The following VRK2 variants were observed in gnomAD, a reference collection of about 807,000 sequenced individuals.
VRK2 encodes the protein serine/threonine-protein kinase VRK2.
A neutral mutation model predicts 57.6 loss-of-function variants in VRK2; 60 were observed. The observed-to-expected ratio is 1.04, with a 90% CI of 0.85 to 1.29. The LOEUF is 1.29. Ranked by LOEUF, VRK2 falls within the 50% of genes most tolerant of loss-of-function variation. VRK2 has a pLI of 0.00. For synonymous variants in VRK2, 231 were observed against 199.2 expected (o/e 1.16, Z -1.35); for missense variants, 705 against 588.1 (o/e 1.20, Z -2.06).
At chr2:57,916,581 A>C (rs1670160923) in intron 1 of VRK2, among the ~76,000 whole-genome samples, 1 of 151,968 alleles carries the variant, frequency 6.6e-6, no homozygotes, top group South Asian at 2.1e-4. Flanking sequence ...AATTTTTTTC[A>C]TGTATGATAT....
Position 57,988,927 on chromosome 2 carries a change from A to T in VRK2, c.-438-36738A>T, listed in dbSNP as rs968152739. ...AATACAAACCCCATATTTATGCAAA[A>T]CACAGATTGGGGTTGCACATTCTAG... On this transcript the variant is annotated intron_variant, in intron 1 of 15. Coordinates refer to the VRK2 transcript ENST00000417641. Among the ~76,000 whole-genome samples, 19 of 152,294 alleles carry T rather than the reference A, an allele frequency of 1.2e-4. No individual in the cohort carries two copies. In the East Asian group the frequency reaches 3.7e-3, roughly 29 times the overall value.
At chr2:58,130,151 A>G (rs190398596) in intron 8 of VRK2, among the ~76,000 whole-genome samples, 273 of 152,240 alleles carry the variant, frequency 1.8e-3, no homozygotes, top group African/African-American at 6.3e-3. Context: ...GGTTCAATCT[A>G]TTTTAATTCT....
At position 58,157,117 on chromosome 2, in the gene VRK2, C is replaced by G. The variant is rs1413737815; in HGVS notation, c.1183-2232C>G. 3.3e-5 allele frequency among the ~76,000 whole-genome samples: 5 copies of G among 152,216 alleles called. No homozygotes were observed. The East Asian group carries it at 5.8e-4, about 18-fold the overall frequency. On this transcript the variant is annotated intron_variant, in intron 12 of 12. Transcript: ENST00000340157. ...CTTAGGTCTGTGTTATTTTCCCTTC[C>G]TGAGCTTTGTTTTAGATCCCTAAGT...
At chr2:58,066,155 C>T (rs988433189) in intron 2 of VRK2, among the ~76,000 whole-genome samples, 1 of 152,084 alleles carries the variant, frequency 6.6e-6, no homozygotes, top group African/African-American at 2.4e-5. Flanking sequence ...ATAGAAATAG[C>T]GAGAGTGCTC....
Position 58,086,444 on chromosome 2 carries a change from T to A in VRK2, c.344+18T>A. 4.5e-6 allele frequency: 7 copies of A among 1,554,934 alleles called. No individual in the cohort carries two copies. The highest frequency in any genetic ancestry group is 6.1e-6 in the Non-Finnish European group (7 of 1,151,686). ...GGAAGAAGGTAAAATGGAATTATTA[T>A]AATCAAATATTTCTTTATAACTATT... On this transcript the variant is annotated intron_variant, in intron 5 of 12. Coordinates refer to ENST00000340157, the MANE Select transcript of VRK2 (RefSeq NM_006296.7).
At chr2:58,073,114 G>A (rs540201341) in intron 2 of VRK2, among the ~76,000 whole-genome samples, 9 of 151,924 alleles carry the variant, frequency 5.9e-5, no homozygotes, top group African/African-American at 1.4e-4. Context: ...TAAATTCCAC[G>A]TATTTTGACT....
chr2:58,116,756 G>A (rs1053426783), intron 7 of VRK2, among the ~76,000 whole-genome samples: 1 of 152,176 alleles, frequency 6.6e-6, no homozygotes, highest in Admixed American at 6.5e-5. Context: ...GGGAGTGGCT[G>A]CCAGGTGAGT....
At chr2:57,949,619 C>T (rs1313543643) in intron 1 of VRK2, among the ~76,000 whole-genome samples, 1 of 152,144 alleles carries the variant, frequency 6.6e-6, no homozygotes, top group Non-Finnish European at 1.5e-5. Context: ...TTCCTTGAGA[C>T]ACAATAATAT....
intron 7 of VRK2, among the ~76,000 whole-genome samples, chr2:58,090,232 C>T (rs915891500): frequency 4.6e-5 from 7 of 151,878 alleles, no homozygotes; most frequent in Non-Finnish European, 1.0e-4. Flanking sequence ...CCTGTCTCTA[C>T]TAAAAATACA....
At chr2:58,132,596 T>G (rs1426886708) in intron 9 of VRK2, among the ~76,000 whole-genome samples, 1 of 152,156 alleles carries the variant, frequency 6.6e-6, no homozygotes, top group Non-Finnish European at 1.5e-5. Context: ...GAGCACAGAA[T>G]AGCCAGTTTT....
chr2:58,053,267 T>C (rs1676027818), intron 2 of VRK2, among the ~76,000 whole-genome samples: 2 of 152,252 alleles, frequency 1.3e-5, no homozygotes, highest in African/African-American at 4.8e-5. Context: ...ATATCTTTTA[T>C]AAAGATACTA....
intron 1 of VRK2, among the ~76,000 whole-genome samples, chr2:58,007,226 C>T (rs1179950298): frequency 1.3e-5 from 2 of 151,130 alleles, no homozygotes; most frequent in Non-Finnish European, 2.9e-5. Flanking sequence ...CCCTCTCTCT[C>T]TCTCTCTCTC....
At chr2:58,155,740 TCCCCACCGCCCCCACCATCCCCCCCA>T (rs1042420559) in intron 12 of VRK2, among the ~76,000 whole-genome samples, 1 of 114,292 alleles carries the variant, frequency 8.7e-6, no homozygotes, top group Non-Finnish European at 1.8e-5. Context: ...CCTTGCCACC[TCCCCACCGCCCCCACCATCCCCCCCA>T]CCCCGCCGCC....
intron 7 of VRK2, among the ~76,000 whole-genome samples, chr2:58,120,775 C>T (rs1677376128): frequency 6.6e-6 from 1 of 152,160 alleles, no homozygotes; most frequent in South Asian, 2.1e-4. Context: ...ATGGTCATTC[C>T]TTTGCAGGAT....
chr2:57,916,409 G>GA (rs34988462), intron 1 of VRK2, among the ~76,000 whole-genome samples: 84,137 of 131,458 alleles, frequency 0.64, 25,913 homozygotes, highest in African/African-American at 0.7. Flanking sequence ...TCGTCTCAGA[G>GA]AAAAAAAAAA....
chr2:58,075,349 C>G (rs980742870), intron 2 of VRK2, among the ~76,000 whole-genome samples: 3 of 152,056 alleles, frequency 2.0e-5, no homozygotes, highest in Admixed American at 6.6e-5. Context: ...AATGAACATT[C>G]ATGTGCATGG....
At chr2:57,967,953 G>A (rs1671973990) in intron 1 of VRK2, among the ~76,000 whole-genome samples, 1 of 151,908 alleles carries the variant, frequency 6.6e-6, no homozygotes, top group African/African-American at 2.4e-5. Context: ...AAAAAAGAAG[G>A]GGAAAAGTGT....
chr2:57,933,687 C>G (rs779753852), intron 1 of VRK2, among the ~76,000 whole-genome samples: 3 of 151,298 alleles, frequency 2.0e-5, no homozygotes, highest in Non-Finnish European at 4.4e-5. Context: ...ATCCATCCAG[C>G]CATTCTGTCT....
At chr2:58,137,200 A>ATATGATAGATG (rs1315217469) in intron 10 of VRK2, among the ~76,000 whole-genome samples, 1 of 18,578 alleles carries the variant, frequency 5.4e-5, no homozygotes, top group African/African-American at 2.5e-4. Flanking sequence ...ATACATATAT[A>ATATGATAGATG]TCTCATATAT....
Sources: gnomAD v4.1 joint callset for allele counts (sites outside exome capture counted in the v4.1 genomes callset) on GRCh38, gnomAD v4.1.1 for gene constraint, MANE v1.5 for transcripts, NCBI Gene and HGNC (gene_info 2026-07-23, HGNC 2026-07-21) for gene names.